The following PIBF1 variants were observed in gnomAD, a reference collection of about 807,000 sequenced individuals.
PIBF1 encodes progesterone immunomodulatory binding factor 1, also known as progesterone-induced-blocking factor 1.
A neutral mutation model predicts 112.5 loss-of-function variants in PIBF1; 90 were observed. That is an observed-to-expected ratio of 0.80 (90% CI 0.67 to 0.95). PIBF1 has a LOEUF of 0.95. Ranked by LOEUF, PIBF1 falls within the 40% of genes least tolerant of loss-of-function variation. PIBF1 has a pLI of 0.00. For missense variants in PIBF1, 915 were observed against 852.3 expected (o/e 1.07, Z -0.92); for synonymous variants, 301 against 288.6 (o/e 1.04, Z -0.44).
chr13:72,968,626 T>TA (rs1281742280), intron 15 of PIBF1, among the ~76,000 whole-genome samples: 36 of 152,236 alleles, frequency 2.4e-4, no homozygotes, highest in African/African-American at 7.9e-4. Flanking sequence ...TGGCTACTGT[T>TA]ACTGAGGAAC....
chr13:73,011,609 G>C (rs2044205682), intron 17 of PIBF1, among the ~76,000 whole-genome samples: 1 of 151,736 alleles, frequency 6.6e-6, no homozygotes, highest in Non-Finnish European at 1.5e-5. Context: ...CACCTAAGAA[G>C]GGAAAAAAAA....
At chr13:73,012,716 C>T (rs1480371589) in intron 17 of PIBF1, among the ~76,000 whole-genome samples, 1 of 151,968 alleles carries the variant, frequency 6.6e-6, no homozygotes, top group Non-Finnish European at 1.5e-5. Flanking sequence ...GATCATGCCA[C>T]TGCACTGTAG....
intron 5 of PIBF1, among the ~76,000 whole-genome samples, chr13:72,820,575 T>C (rs2036506977): frequency 6.6e-6 from 1 of 152,148 alleles, no homozygotes; most frequent in African/African-American, 2.4e-5. Context: ...TGATAGAAAT[T>C]TGGGGACTAA....
intron 1 of PIBF1, among the ~76,000 whole-genome samples, chr13:72,782,734 G>A (rs1387141325): frequency 6.6e-6 from 1 of 152,180 alleles, no homozygotes; most frequent in South Asian, 2.1e-4. Flanking sequence ...ATATCCTGTT[G>A]TTTTCATTCT....
At chr13:72,922,429 A>G (rs1192448424) in intron 13 of PIBF1, among the ~76,000 whole-genome samples, 2 of 152,222 alleles carry the variant, frequency 1.3e-5, no homozygotes, top group Non-Finnish European at 2.9e-5. Flanking sequence ...TGAAAATAGC[A>G]AACATGATTT....
chr13:72,830,735 G>GT (rs900398015), intron 8 of PIBF1, among the ~76,000 whole-genome samples: 4 of 151,890 alleles, frequency 2.6e-5, no homozygotes, highest in African/African-American at 4.8e-5. Context: ...CTGAAATTTT[G>GT]TTTTTTTGTT....
chr13:72,976,351 G>T (rs912980408), intron 16 of PIBF1, among the ~76,000 whole-genome samples: 8 of 152,036 alleles, frequency 5.3e-5, no homozygotes, highest in Non-Finnish European at 1.2e-4. Context: ...GAAAGGAAGC[G>T]AAGGAGGGGA....
At chr13:72,978,116 T>C (rs545694155) in intron 16 of PIBF1, among the ~76,000 whole-genome samples, 127 of 152,300 alleles carry the variant, frequency 8.3e-4, no homozygotes, top group African/African-American at 3.0e-3. Context: ...TTCAGTAAAA[T>C]GTTCATAAAG....
intron 17 of PIBF1, 80 bp downstream of exon 17, chr13:72,999,075 C>A: frequency 1.1e-6 from 1 of 932,620 alleles, no homozygotes; most frequent in Non-Finnish European, 1.6e-6. Flanking sequence ...TTTCCTTTTA[C>A]ATTTATGAAA....
chr13:72,998,470 C>G (rs1297629843), intron 16 of PIBF1, among the ~76,000 whole-genome samples: 2 of 149,146 alleles, frequency 1.3e-5, no homozygotes, highest in Non-Finnish European at 1.5e-5. Flanking sequence ...GAGATCCTAT[C>G]TAAAAAAAAA....
intron 13 of PIBF1, among the ~76,000 whole-genome samples, chr13:72,921,115 T>A (rs2138713859): frequency 6.6e-6 from 1 of 152,302 alleles, no homozygotes; most frequent in South Asian, 2.1e-4. Context: ...TTTTATTTTT[T>A]GGAGTTGGAG....
chr13:72,836,139 C>A (rs1159379507), intron 9 of PIBF1: 1 of 451,484 alleles, frequency 2.2e-6, no homozygotes, highest in East Asian at 7.0e-5. Flanking sequence ...TTTATTCATG[C>A]AGTTACTTTT....
intron 9 of PIBF1, among the ~76,000 whole-genome samples, chr13:72,850,262 C>G (rs2038072281): frequency 6.6e-6 from 1 of 152,188 alleles, no homozygotes; most frequent in Admixed American, 6.5e-5. Context: ...TCTGTTTTCT[C>G]TTTCTGAATT....
intron 15 of PIBF1, chr13:72,970,503 T>C (rs543328390): frequency 6.6e-6 from 1 of 152,302 alleles, no homozygotes; most frequent in Non-Finnish European, 1.5e-5. Context: ...CAGAGTGTAT[T>C]GATCCAGGAA....
At chr13:72,976,258 A>G (rs2043018840) in intron 16 of PIBF1, among the ~76,000 whole-genome samples, 1 of 151,388 alleles carries the variant, frequency 6.6e-6, no homozygotes, top group African/African-American at 2.4e-5. Context: ...TGAGCAATGT[A>G]GTGCAACCCT....
intron 14 of PIBF1, among the ~76,000 whole-genome samples, chr13:72,947,488 C>T (rs933380573): frequency 6.6e-6 from 1 of 152,180 alleles, no homozygotes; most frequent in African/African-American, 2.4e-5. Flanking sequence ...ACATTTTGCT[C>T]CTTGTTACAT....
intron 5 of PIBF1, among the ~76,000 whole-genome samples, chr13:72,814,844 AATAC>A (rs1486300236): frequency 2.0e-5 from 3 of 152,204 alleles, no homozygotes; most frequent in Non-Finnish European, 4.4e-5. Context: ...AGTAAGGGAA[AATAC>A]ATACAGTTCT....
chr13:72,893,445 A>G (rs1325662791), intron 10 of PIBF1, among the ~76,000 whole-genome samples: 4 of 152,172 alleles, frequency 2.6e-5, no homozygotes, highest in Admixed American at 6.6e-5. Flanking sequence ...ACAATGCCAT[A>G]GATTTAAAAA....
chr13:72,827,272 G>A (rs2036861783), intron 7 of PIBF1, among the ~76,000 whole-genome samples, 154 bp downstream of exon 7: 1 of 127,640 alleles, frequency 7.8e-6, no homozygotes, highest in South Asian at 2.4e-4. Context: ...TTTTGAGACA[G>A]GAGTCTTTCC....
Sources: allele counts gnomAD v4.1 joint callset (sites outside exome capture counted in the v4.1 genomes callset), GRCh38; gene constraint gnomAD v4.1.1; transcripts MANE v1.5; gene names NCBI Gene and HGNC (gene_info 2026-07-23, HGNC 2026-07-21).